DCTN6: variants seen among roughly 807,000 people sequenced by gnomAD.
DCTN6 encodes the protein dynactin subunit 6.
A neutral mutation model predicts 25.8 loss-of-function variants in DCTN6; 15 were observed. The observed-to-expected ratio is 0.58, with a 90% CI of 0.39 to 0.89. The LOEUF (loss-of-function observed/expected upper bound fraction) is 0.89. Ranked by LOEUF, DCTN6 falls within the 40% of genes least tolerant of loss-of-function variation. The pLI, the probability that DCTN6 is intolerant of heterozygous loss-of-function variation, is 0.00. For missense variants in DCTN6, 198 were observed against 237.6 expected (o/e 0.83, Z 1.09); for synonymous variants, 64 against 78.3 (o/e 0.82, Z 0.96).
rs558927231 is a variant in DCTN6 at position 30,177,811 on chromosome 8, G to A, written c.283+597G>A. Among the ~76,000 whole-genome samples the A allele has an allele frequency of 2.0e-4, 31 of 152,226 alleles. 1 individual carries two copies. The highest frequency in any genetic ancestry group is 3.7e-4 in the Non-Finnish European group (25 of 68,034). ...ATATATTTTAAAAATGGTCCCTTCT[G>A]TTCCTGTAAATAAGTCAATAGAGTA... is the stretch of plus-strand genomic sequence containing the variant. On this transcript the variant is annotated intron_variant, in intron 4 of 6. Coordinates refer to ENST00000221114, the MANE Select transcript of DCTN6 (RefSeq NM_006571.4).
intron 2 of DCTN6, among the ~76,000 whole-genome samples, 171 bp from the exon 3 acceptor site, chr8:30,174,914 C>G (rs1287143071): frequency 6.6e-6 from 1 of 152,186 alleles, no homozygotes; most frequent in Non-Finnish European, 1.5e-5. Flanking sequence ...TTGGCCCTGA[C>G]TACTGATGAT....
chr8:30,163,981 C>T (rs1321537617), intron 1 of DCTN6, 130 bp from the exon 2 acceptor site: 12 of 748,412 alleles, frequency 1.6e-5, no homozygotes, highest in East Asian at 1.1e-4. Flanking sequence ...GGATTACAGG[C>T]GTGAGCCACT....
chr8:30,156,615 A>G (rs1803528861), intron 1 of DCTN6, among the ~76,000 whole-genome samples: 2 of 151,780 alleles, frequency 1.3e-5, no homozygotes, highest in African/African-American at 4.8e-5. Context: ...CGCTGCCTGG[A>G]AGGTTTTTGT....
chr8:30,161,530 C>T (rs553925807), intron 1 of DCTN6, among the ~76,000 whole-genome samples: 45 of 152,162 alleles, frequency 3.0e-4, no homozygotes, highest in Admixed American at 1.8e-3. Flanking sequence ...AAATTCAAAT[C>T]CCTGGTCATG....
At chr8:30,157,858 A>G (rs1438817462) in intron 1 of DCTN6, among the ~76,000 whole-genome samples, 3 of 152,226 alleles carry the variant, frequency 2.0e-5, no homozygotes, top group African/African-American at 7.2e-5. Flanking sequence ...ATTTAAGTAG[A>G]TACTCTGTAA....
intron 2 of DCTN6, among the ~76,000 whole-genome samples, chr8:30,171,983 G>A (rs543702235): frequency 6.6e-6 from 1 of 152,248 alleles, no homozygotes; most frequent in South Asian, 2.1e-4. Flanking sequence ...AGGGGGGTGG[G>A]GCTGGCTGGG....
At chr8:30,167,095 A>G in intron 2 of DCTN6, among the ~76,000 whole-genome samples, 1 of 151,528 alleles carries the variant, frequency 6.6e-6, no homozygotes, top group Non-Finnish European at 1.5e-5. Context: ...GAAAGAAGAA[A>G]GGAAAGGAAG....
intron 2 of DCTN6, among the ~76,000 whole-genome samples, chr8:30,172,042 T>G (rs1237700573): frequency 1.3e-5 from 2 of 152,170 alleles, no homozygotes; most frequent in African/African-American, 2.4e-5. Context: ...CCTGTTATCA[T>G]AGAATATTTT....
intron 2 of DCTN6, among the ~76,000 whole-genome samples, chr8:30,173,850 C>CT (rs1803796106): frequency 6.6e-6 from 1 of 151,180 alleles, no homozygotes; most frequent in Non-Finnish European, 1.5e-5. Flanking sequence ...GAGTCAGTTA[C>CT]TTCATCTGCA....
At chr8:30,158,760 TTGCACCATGCCTGGTTCC>T (rs1285934279) in intron 1 of DCTN6, among the ~76,000 whole-genome samples, 1 of 139,174 alleles carries the variant, frequency 7.2e-6, no homozygotes, top group Non-Finnish European at 1.6e-5. Context: ...AGTGAAAGCT[TTGCACCATGCCTGGTTCC>T]TTTTTTTTTT....
At chr8:30,173,589 A>G (rs1220795306) in intron 2 of DCTN6, among the ~76,000 whole-genome samples, 1 of 151,826 alleles carries the variant, frequency 6.6e-6, no homozygotes, top group African/African-American at 2.4e-5. Flanking sequence ...AATTAGCTGG[A>G]TGTGGTGGCA....
chr8:30,157,088 C>T (rs991286935), intron 1 of DCTN6, among the ~76,000 whole-genome samples: 1 of 152,206 alleles, frequency 6.6e-6, no homozygotes, highest in African/African-American at 2.4e-5. Flanking sequence ...AGCCCTCAAA[C>T]CCCTCCTACC....
chr8:30,166,340 G>T lies in DCTN6; in HGVS notation c.88+2165G>T, dbSNP rs529696687. ...CTTTCTTTTTTTTTTTTTGAGACAG[G>T]GTCTCGCTATTTTGCCAAGCTAGTC... On this transcript the variant is annotated intron_variant, in intron 2 of 6. Coordinates refer to ENST00000221114, the MANE Select transcript of DCTN6 (RefSeq NM_006571.4). Among the ~76,000 whole-genome samples the T allele has an allele frequency of 7.6e-3, 1,112 of 145,504 alleles. 11 individuals are homozygous for T. Among genetic ancestry groups the T allele is most frequent in the African/African-American group, 0.027 (1,059 of 39,250 alleles).
At chr8:30,180,704 G>T (rs1424257625) in intron 6 of DCTN6, 74 bp downstream of exon 6, 1 of 1,522,282 alleles carries the variant, frequency 6.6e-7, no homozygotes, top group Non-Finnish European at 9.0e-7. Flanking sequence ...TCTTCATGAG[G>T]CAGCAGGTAC....
intron 3 of DCTN6, chr8:30,176,424 C>G (rs1361557445): frequency 6.6e-6 from 1 of 152,312 alleles, no homozygotes; most frequent in Admixed American, 6.5e-5. Flanking sequence ...GTCCCAGCTA[C>G]TTGGGAGGCT....
intron 2 of DCTN6, among the ~76,000 whole-genome samples, chr8:30,171,390 C>G (rs1264392815): frequency 6.6e-6 from 1 of 152,064 alleles, no homozygotes; most frequent in African/African-American, 2.4e-5. Flanking sequence ...GTTGGGACCA[C>G]AGGTGCACCC....
intron 2 of DCTN6, among the ~76,000 whole-genome samples, chr8:30,170,192 C>A (rs1239676426): frequency 1.3e-5 from 2 of 151,362 alleles, no homozygotes; most frequent in African/African-American, 4.9e-5. Flanking sequence ...AAAAAAAGTT[C>A]ACCAAACCAA....
chr8:30,156,499 T>G, intron 1 of DCTN6, 93 bp downstream of exon 1: 1 of 1,452,786 alleles, frequency 6.9e-7, no homozygotes. Flanking sequence ...AGAAGGTGTC[T>G]CATCCTGGGC....
intron 2 of DCTN6, among the ~76,000 whole-genome samples, chr8:30,170,439 T>C (rs1803748959): frequency 6.6e-6 from 1 of 152,174 alleles, no homozygotes; most frequent in Non-Finnish European, 1.5e-5. Flanking sequence ...ATCACTGGTC[T>C]CACCTAAATG....
Sources: allele counts gnomAD v4.1 joint callset (sites outside exome capture counted in the v4.1 genomes callset), GRCh38; gene constraint gnomAD v4.1.1; transcripts MANE v1.5; gene names NCBI Gene and HGNC (gene_info 2026-07-23, HGNC 2026-07-21).